LAMA5: variants seen among roughly 807,000 people sequenced by gnomAD.
LAMA5 encodes the protein laminin subunit alpha 5, also known as laminin subunit alpha-5.
A neutral mutation model predicts 433.4 loss-of-function variants in LAMA5; 260 were observed. The ratio of observed to expected loss-of-function variants is 0.60; its 90% confidence interval spans 0.54 to 0.66. The LOEUF is 0.66. Ranked by LOEUF, LAMA5 falls within the 30% of genes least tolerant of loss-of-function variation. The pLI is 0.00. For missense variants in LAMA5, 5,378 were observed against 5,258.5 expected (o/e 1.02, Z -0.70); for synonymous variants, 2,620 against 2,226.6 (o/e 1.18, Z -4.97).
At position 62,310,403 on chromosome 20, in the gene LAMA5, G is replaced by A. The variant is rs200957979; in HGVS notation, c.10600+16C>T. On this transcript the variant is annotated intron_variant, in intron 76 of 79. Coordinates refer to ENST00000252999, the MANE Select transcript of LAMA5 (RefSeq NM_005560.6). ...GCCCTGCCCTGCTGAGGCCTGGGAT[G>A]CCAGCACCCACAGACCTAAAGTGAT... The A allele has an allele frequency of 2.0e-5, 32 of 1,588,834 alleles. No individual in the cohort carries two copies. In the African/African-American group the frequency reaches 3.6e-4, roughly 18 times the overall value.
At position 62,317,549 on chromosome 20, in the gene LAMA5, C is replaced by T. The variant is rs1987087727; in HGVS notation, c.7357-50G>A. The T allele has an allele frequency of 4.6e-6, 7 of 1,524,472 alleles. No individual in the cohort carries two copies. The East Asian group carries it at 1.4e-4, about 30-fold the overall frequency. 94.4% of individuals were successfully genotyped at this position (1,524,472 alleles called of 1,614,324 possible). A position where few individuals can be genotyped will look rare whatever the true frequency, so the allele number is the denominator to read the frequency against. ...CTCATCCTGCTCACAGCCACCTGAT[C>T]CACGACCCTGAGGGCGGGCTCTGCA... is the stretch of plus-strand genomic sequence containing the variant. On this transcript the variant is annotated intron_variant, in intron 54 of 79. Coordinates refer to ENST00000252999, the MANE Select transcript of LAMA5 (RefSeq NM_005560.6).
At chr20:62,328,080 A>T in intron 35 of LAMA5, 70 bp from the exon 36 acceptor site, 6 of 1,588,376 alleles carry the variant, frequency 3.8e-6, no homozygotes, top group Middle Eastern at 4.5e-4. Flanking sequence ...CCTCGTAGGC[A>T]CCCCCCACCC....
intron 26 of LAMA5, 75 bp from the exon 27 acceptor site, chr20:62,332,792 C>G (rs2146200665): frequency 1.3e-6 from 2 of 1,537,298 alleles, no homozygotes; most frequent in Admixed American, 4.2e-5. Flanking sequence ...CACTCCAGCG[C>G]CTCCCTGACC....
At chr20:62,354,136 C>G (rs1984791754) in intron 2 of LAMA5, among the ~76,000 whole-genome samples, 1 of 152,100 alleles carries the variant, frequency 6.6e-6, no homozygotes, top group Non-Finnish European at 1.5e-5. Flanking sequence ...GCCCATGTGT[C>G]TGTGCCTCGG....
chr20:62,365,782 C>A (rs1986654552), intron 1 of LAMA5, among the ~76,000 whole-genome samples: 1 of 152,160 alleles, frequency 6.6e-6, no homozygotes, highest in African/African-American at 2.4e-5. Context: ...CTCAGATCCC[C>A]CATCTGAAGT....
Position 62,328,894 on chromosome 20 carries a change from C to A in LAMA5, c.4397G>T (p.Arg1466Leu), listed in dbSNP as rs146876753. The A allele has an allele frequency of 8.5e-5, 137 of 1,611,756 alleles. No homozygotes were observed. The highest frequency in any genetic ancestry group is 1.6e-4 in the Middle Eastern group (1 of 6,062). ...QCPCHAHVIG[R>L]DCSRCATGYW... ...TCCGGTGGCACAGCGGGAGCAGTCA[C>A]GGCCAATGACATGGGCATGGCAGGG... The change falls in exon 34 of 80, where the codon CGT becomes CTT. Residue 1466 changes from arginine to leucine, a missense_variant. By Grantham distance (102) the Arg-to-Leu change is moderately radical. Coordinates refer to ENST00000252999, the MANE Select transcript of LAMA5 (RefSeq NM_005560.6).
rs186637363 is a variant in LAMA5, at chr20:62,336,524, C to T, written c.2218-79G>A. On this transcript the variant is annotated intron_variant, in intron 17 of 79. Coordinates refer to ENST00000252999, the MANE Select transcript of LAMA5 (RefSeq NM_005560.6). ...AAACCATAGAGCCATAGAGCCCTGA[C>T]AAGGGGTGGTGAGGGCTGAGGGCCC... 97 of 1,353,396 alleles carry T rather than the reference C, an allele frequency of 7.2e-5. No homozygotes were observed. In the Middle Eastern group the frequency reaches 7.4e-4, roughly 10 times the overall value. The allele number at this position is 1,353,396 out of a possible 1,614,324, so 83.8% of individuals were successfully genotyped here. A position where few individuals can be genotyped will look rare whatever the true frequency, so the allele number is the denominator to read the frequency against.
In LAMA5 at chr20:62,335,023, C is replaced by A. The variant is rs755083751; in HGVS notation, c.2480G>T (p.Arg827Leu). ...GGGACGAGCGAGTGGGCACTCACTG[C>A]GGCAGCCAAAATAGTCAGCCTGATC... ...GLDQADYFGCRSCRCDIGGAL... is the reference protein window; with the variant it reads ...GLDQADYFGCLSCRCDIGGAL... The change falls in exon 20 of 80, where the codon CGC (arginine) becomes CTC (leucine). Residue 827 changes from arginine to leucine, a missense_variant and splice_region_variant. Transcript: ENST00000252999. 18 of 1,612,086 alleles carry A rather than the reference C, an allele frequency of 1.1e-5. No individual in the cohort carries two copies. The highest frequency in any genetic ancestry group is 2.2e-5 in the East Asian group (1 of 44,878).
chr20:62,309,985 C>G lies in LAMA5; in HGVS notation c.10828+3G>C. 1 of 1,610,042 alleles carries G rather than the reference C, an allele frequency of 6.2e-7. No homozygotes were observed. Among genetic ancestry groups the G allele is most frequent in the Non-Finnish European group, 8.5e-7 (1 of 1,179,468 alleles). On this transcript the variant is annotated splice_donor_region_variant and intron_variant, in intron 78 of 79. Coordinates refer to ENST00000252999, the MANE Select transcript of LAMA5 (RefSeq NM_005560.6). The stretch of plus-strand genomic sequence containing the variant: ...AGTGCCCTGGCCACAGGAGGGGCCT[C>G]ACCCGCTAGCCGGTGCCACTGGCCA...
At chr20:62,364,158 C>G (rs79301174) in intron 1 of LAMA5, among the ~76,000 whole-genome samples, 1 of 152,174 alleles carries the variant, frequency 6.6e-6, no homozygotes, top group African/African-American at 2.4e-5. Flanking sequence ...TTAAGCGCCA[C>G]GACCCCTACC....
Position 62,318,450 on chromosome 20 carries a change from T to G in LAMA5, c.7239+4A>C, listed in dbSNP as rs113604626. ...AGGAGGAAGAACAAGTCCGGGGTCC[T>G]CACCAGGGCTTCCTCCAGGCGCTCC... On this transcript the variant is annotated splice_donor_region_variant and intron_variant, in intron 53 of 79. Transcript: ENST00000252999. 467,551 of 1,594,228 alleles carry G rather than the reference T, an allele frequency of 0.29. 70,293 individuals carry two copies. Among genetic ancestry groups the G allele is most frequent in the Non-Finnish European group, 0.31 (367,067 of 1,173,666 alleles).
chr20:62,336,267 TC>T, intron 18 of LAMA5, 72 bp downstream of exon 18: 1 of 1,114,300 alleles, frequency 9.0e-7, no homozygotes, highest in Non-Finnish European at 1.3e-6. Context: ...ACCCCAACAC[TC>T]CCTCCAGGAT....
chr20:62,364,391 G>A (rs1986490671), intron 1 of LAMA5, among the ~76,000 whole-genome samples: 1 of 152,168 alleles, frequency 6.6e-6, no homozygotes. Context: ...GTGGAAGGTT[G>A]CGGGTCAAGG....
At chr20:62,363,181 G>T (rs1986346032) in intron 1 of LAMA5, among the ~76,000 whole-genome samples, 1 of 152,182 alleles carries the variant, frequency 6.6e-6, no homozygotes, top group Admixed American at 6.5e-5. Flanking sequence ...CTGGATTAGG[G>T]TCTCCAGAGA....
rs753502374 is a variant in LAMA5 at position 62,328,002 on chromosome 20, G to T, written c.4661C>A (p.Pro1554His). ...ATCACAGCGGCGCCCAGTCACGTTG[G>T]GTCTGCACCTGTGGCAGGGGCGGGA... ...DTDSGQCKCRPNVTGRRCDTC... is the reference protein window; with the variant it reads ...DTDSGQCKCRHNVTGRRCDTC... The change falls in exon 36 of 80, where the codon CCC (proline) becomes CAC (histidine). Residue 1554 changes from proline to histidine, a missense_variant. Pro to His is a moderately conservative substitution (Grantham distance 77). Transcript: ENST00000252999. The T allele has an allele frequency of 1.9e-6, 3 of 1,611,706 alleles. No homozygotes were observed. Among genetic ancestry groups the T allele is most frequent in the Non-Finnish European group, 2.5e-6 (3 of 1,179,826 alleles).
rs150796815 is a variant in LAMA5 at position 62,334,914 on chromosome 20, G to A, written c.2482+107C>T. The stretch of plus-strand genomic sequence containing the variant: ...ACCAAGGGGCAGCCATCCATCACCC[G>A]GGCTTCATGCTGCCCAGGCTGCACT... On this transcript the variant is annotated intron_variant, in intron 20 of 79. Transcript: ENST00000252999. The A allele has an allele frequency of 7.4e-4, 771 of 1,041,576 alleles. 1 individual carries two copies. The highest frequency in any genetic ancestry group is 9.9e-4 in the Non-Finnish European group (686 of 695,684). 64.5% of individuals were successfully genotyped at this position (1,041,576 alleles called of 1,614,324 possible). A position where few individuals can be genotyped will look rare whatever the true frequency, so the allele number is the denominator to read the frequency against.
chr20:62,311,547 C>A lies in LAMA5; in HGVS notation c.9807-11G>T. 2 of 1,609,424 alleles carry A rather than the reference C, an allele frequency of 1.2e-6. No homozygotes were observed. Among genetic ancestry groups the A allele is most frequent in the African/African-American group, 1.3e-5 (1 of 75,012 alleles). On this transcript the variant is annotated splice_polypyrimidine_tract_variant and intron_variant, in intron 71 of 79. Coordinates refer to ENST00000252999, the MANE Select transcript of LAMA5 (RefSeq NM_005560.6). Reference sequence around the variant, plus strand: ...TGTGGGCCCAGGAGCCTGTGCAGGGCGGGCAGGCGGTCAGCAGCTGCGGAA... The same window carrying A: ...TGTGGGCCCAGGAGCCTGTGCAGGGAGGGCAGGCGGTCAGCAGCTGCGGAA...
chr20:62,315,328 C>G, intron 58 of LAMA5, 121 bp from the exon 59 acceptor site: 6 of 776,300 alleles, frequency 7.7e-6, no homozygotes, highest in Non-Finnish European at 1.2e-5. Context: ...TCGTGTGAGA[C>G]CCTCACACCC....
At chr20:62,326,624 C>A in intron 40 of LAMA5, 53 bp downstream of exon 40, 1 of 1,455,344 alleles carries the variant, frequency 6.9e-7, no homozygotes, top group Non-Finnish European at 9.6e-7. Flanking sequence ...CCGGCCTTCC[C>A]AGATGAGCTG....
Sources: allele counts gnomAD v4.1 joint callset (sites outside exome capture counted in the v4.1 genomes callset), GRCh38; gene constraint gnomAD v4.1.1; transcripts MANE v1.5; gene names NCBI Gene and HGNC (gene_info 2026-07-23, HGNC 2026-07-21).